The following CABLES2 variants were observed in gnomAD, a reference collection of about 807,000 sequenced individuals.
CABLES2 encodes the protein CDK5 and ABL1 enzyme substrate 2.
A neutral mutation model predicts 44.8 loss-of-function variants in CABLES2; 35 were observed. The ratio of observed to expected loss-of-function variants is 0.78; its 90% CI spans 0.60 to 1.04. The LOEUF (loss-of-function observed/expected upper bound fraction) is 1.04, where lower values mean the gene tolerates loss of function less well. CABLES2 is among the 50% of genes least tolerant of loss of function. The probability of loss-of-function intolerance (pLI) is 0.00; values close to 1 mark genes in which losing one functional copy is unlikely to be tolerated. For synonymous variants in CABLES2, 282 were observed against 281.1 expected (o/e 1.00, Z -0.03); for missense variants, 566 against 615.7 (o/e 0.92, Z 0.85).
chr20:62,404,421 C>T (rs765940862), intron 1 of CABLES2: 1 of 152,438 alleles, frequency 6.6e-6, no homozygotes, highest in Admixed American at 6.5e-5. Context: ...CAAACCACCA[C>T]ACTCACAAGA....
At chr20:62,393,148 C>G in intron 6 of CABLES2, 125 bp from the exon 7 acceptor site, 1 of 874,936 alleles carries the variant, frequency 1.1e-6, no homozygotes, top group Non-Finnish European at 1.8e-6. Context: ...GGCCATGGTT[C>G]TCTCCTGAAG....
chr20:62,398,202 G>GTGGTGGTGA (rs1569017876), intron 1 of CABLES2, among the ~76,000 whole-genome samples: 6 of 112,626 alleles, frequency 5.3e-5, no homozygotes, highest in African/African-American at 2.2e-4. Context: ...GATGATGGTG[G>GTGGTGGTGA]TGATGGTGAT....
At position 62,396,389 on chromosome 20, in the gene CABLES2, T is replaced by C. The variant is rs1484178562; in HGVS notation, c.453A>G (p.Gly151=). The change falls in exon 3 of 10, where the codon GGA becomes GGG. Residue 151 remains glycine (G), a synonymous_variant. Transcript: ENST00000279101. The surrounding 1 kb of genome is among the most constrained non-coding windows in gnomAD (Gnocchi z 5.7). ...TCTTCAGGCCTTTATGTCTCGGTGA[T>C]CCAGATGTGTGTTTGGTTCTGCAAG... The part of the protein sequence containing the change: ...APAQRTKHTS[G]SPRHKGLKKT... 1 of 1,613,976 alleles carries C rather than the reference T, an allele frequency of 6.2e-7. No homozygotes were observed. The highest frequency in any genetic ancestry group is 1.7e-5 in the Admixed American group (1 of 60,020).
rs369778548 is a variant in CABLES2 at position 62,394,923 on chromosome 20, C to T, written c.605+14G>A. On this transcript the variant is annotated intron_variant, in intron 4 of 9. Coordinates refer to ENST00000279101, the MANE Select transcript of CABLES2 (RefSeq NM_031215.3). ...AGATGGACACCGCATGCGAGGCAAG[C>T]GCTGAGTACTCACCTGATCCGCAGG... is the stretch of plus-strand genomic sequence containing the variant. 9.6e-4 allele frequency: 1,544 copies of T among 1,610,672 alleles called. 31 individuals are homozygous for T. The South Asian group carries it at 0.015, about 16-fold the overall frequency.
intron 1 of CABLES2, among the ~76,000 whole-genome samples, chr20:62,401,644 A>T (rs2427319): frequency 6.6e-6 from 1 of 152,094 alleles, no homozygotes; most frequent in Non-Finnish European, 1.5e-5. Flanking sequence ...GGACATGCGC[A>T]ATCAGGGGAC....
chr20:62,398,193 A>ATGGTGGTGGTGGTGGTGG (rs1569017836), intron 1 of CABLES2, among the ~76,000 whole-genome samples: 1 of 30,052 alleles, frequency 3.3e-5, no homozygotes, highest in Non-Finnish European at 5.7e-5. Context: ...GGTGATGGTG[A>ATGGTGGTGGTGGTGGTGG]TGATGGTGGT....
At chr20:62,402,153 G>C (rs1988201175) in intron 1 of CABLES2, 2 of 152,238 alleles carry the variant, frequency 1.3e-5, no homozygotes, top group Admixed American at 1.3e-4. Flanking sequence ...TGCCCCCCCA[G>C]TCTGCTGACA....
rs1031183667 is a variant in CABLES2, at chr20:62,389,849, A to G, written c.*1122T>C. The stretch of plus-strand genomic sequence containing the variant: ...CCTGCTGGCCTGCACAGAAGGGACA[A>G]CGACCACCATTTGGGGTCCTTTTAG... On this transcript the variant is annotated 3_prime_UTR_variant, in exon 10 of 10. Transcript: ENST00000279101. The G allele has an allele frequency of 4.6e-5, 7 of 152,264 alleles. No homozygotes were observed. Among genetic ancestry groups the G allele is most frequent in the Admixed American group, 1.3e-4 (2 of 15,274 alleles). The allele number at this position is 152,264 out of a possible 1,614,324, so 9.4% of individuals were successfully genotyped here.
Position 62,396,563 on chromosome 20 carries a change from A to G in CABLES2, c.392T>C (p.Leu131Pro). 1 of 1,613,554 alleles carries G rather than the reference A, an allele frequency of 6.2e-7. No homozygotes were observed. Among genetic ancestry groups the G allele is most frequent in the Non-Finnish European group, 8.5e-7 (1 of 1,179,882 alleles). Reference sequence around the variant, plus strand: ...TCCCACGGCATCTTCCAGAAACTCCAGGGAGCAGCGCTGGGACGTGACTCG... The same window carrying G: ...TCCCACGGCATCTTCCAGAAACTCCGGGGAGCAGCGCTGGGACGTGACTCG... ...RKRVTSQRCS[L>P]EFLEDAVGCA... Residue 131 changes from leucine (L) to proline (P), a missense_variant, in exon 2 of 10, where the codon CTG becomes CCG. Leu to Pro is a moderately conservative substitution (Grantham distance 98). Transcript: ENST00000279101. This position sits in a 1 kb window ranked among gnomAD's most constrained non-coding sequence, Gnocchi z 5.7.
chr20:62,393,381 C>A, intron 6 of CABLES2, 59 bp downstream of exon 6: 1 of 1,508,688 alleles, frequency 6.6e-7, no homozygotes, highest in South Asian at 1.3e-5. Flanking sequence ...AGTCCCTGGG[C>A]CGTGGTTAAG....
intron 1 of CABLES2, among the ~76,000 whole-genome samples, chr20:62,401,183 T>C (rs186633786): frequency 7.9e-5 from 12 of 152,320 alleles, no homozygotes; most frequent in African/African-American, 2.9e-4. Context: ...CCTGGCCCCG[T>C]TGCAGGTCAC....
At chr20:62,401,042 C>A (rs1381065097) in intron 1 of CABLES2, among the ~76,000 whole-genome samples, 1 of 152,166 alleles carries the variant, frequency 6.6e-6, no homozygotes, top group Non-Finnish European at 1.5e-5. Context: ...GATGACATGG[C>A]TGGTAAGAGA....
At chr20:62,402,989 C>G (rs1053800023) in intron 1 of CABLES2, 2 of 152,282 alleles carry the variant, frequency 1.3e-5, no homozygotes, top group Admixed American at 6.5e-5. Flanking sequence ...CTGGCCCAGA[C>G]AGCAGCTTGT....
chr20:62,395,918 G>A (rs1375335783), intron 3 of CABLES2, among the ~76,000 whole-genome samples: 2 of 152,226 alleles, frequency 1.3e-5, no homozygotes, highest in African/African-American at 4.8e-5. Context: ...CCCTCCGCCA[G>A]CTTTGGGCAG....
rs1248500842 is a variant in CABLES2, at chr20:62,393,944, G to A, written c.714+213C>T. ...AGGAGCACCTGGCTGTGGGGCAGTG[G>A]CGCAGACCTCAGGCACGGCCAGGCG... On this transcript the variant is annotated intron_variant, in intron 5 of 9. Transcript: ENST00000279101. 2.0e-5 allele frequency among the ~76,000 whole-genome samples: 3 copies of A among 152,356 alleles called. No individual in the cohort carries two copies. The East Asian group carries it at 5.8e-4, about 29-fold the overall frequency.
chr20:62,397,735 G>A (rs984346370), intron 1 of CABLES2, among the ~76,000 whole-genome samples: 1 of 152,246 alleles, frequency 6.6e-6, no homozygotes, highest in Non-Finnish European at 1.5e-5. Context: ...CACAGCTTAG[G>A]AGATAAGGTC....
chr20:62,388,928 A>C lies in CABLES2; in HGVS notation c.*2043T>G, dbSNP rs563924264. 39 of 178,038 alleles carry C rather than the reference A, an allele frequency of 2.2e-4. No homozygotes were observed. The South Asian group carries it at 4.3e-3, about 20-fold the overall frequency. The allele number at this position is 178,038 out of a possible 1,614,324, so 11.0% of individuals were successfully genotyped here. A position where few individuals can be genotyped will look rare whatever the true frequency, so the allele number is the denominator to read the frequency against. On this transcript the variant is annotated 3_prime_UTR_variant, in exon 10 of 10. Transcript: ENST00000279101. ...ATACCACACAGTGGCAGCTTTTGGCATCATAAAAATGGGACATAACTGAAG... is the reference window on the plus strand; with the variant it reads ...ATACCACACAGTGGCAGCTTTTGGCCTCATAAAAATGGGACATAACTGAAG...
intron 1 of CABLES2, among the ~76,000 whole-genome samples, chr20:62,398,111 GGTGGTGGTGGTGGTT>G (rs1988091971): frequency 2.1e-5 from 3 of 141,520 alleles, no homozygotes; most frequent in African/African-American, 2.8e-5. Context: ...TGGTGATGGT[GGTGGTGGTGGTGGTT>G]ATGACGGTGG....
intron 1 of CABLES2, among the ~76,000 whole-genome samples, chr20:62,399,895 C>G (rs565208285): frequency 6.6e-6 from 1 of 152,210 alleles, no homozygotes; most frequent in Admixed American, 6.5e-5. Flanking sequence ...TATTGTATAA[C>G]GAAGTGTGAA....
Sources: allele counts gnomAD v4.1 joint callset (sites outside exome capture counted in the v4.1 genomes callset), GRCh38; gene constraint gnomAD v4.1.1; non-coding constraint Gnocchi (gnomAD v3.1); transcripts MANE v1.5; gene names NCBI Gene and HGNC (gene_info 2026-07-23, HGNC 2026-07-21).